The following TLK1 variants were observed in gnomAD, a reference collection of about 807,000 sequenced individuals.
TLK1 encodes tousled like kinase 1.
In TLK1, 24 loss-of-function variants were observed where a neutral mutation model predicts 105.3. The ratio of observed to expected loss-of-function variants is 0.23; its 90% CI spans 0.17 to 0.32. The LOEUF (loss-of-function observed/expected upper bound fraction) is 0.32, where lower values mean the gene tolerates loss of function less well. Among genes scored for constraint, TLK1 ranks in the 10% least tolerant of loss-of-function variants. TLK1 has a pLI of 1.00. For missense variants in TLK1, 558 were observed against 910.5 expected (o/e 0.61, Z 4.98); for synonymous variants, 321 against 310.4 (o/e 1.03, Z -0.36).
chr2:171,149,956 G>C (rs543948187), intron 1 of TLK1, among the ~76,000 whole-genome samples: 19 of 151,816 alleles, frequency 1.3e-4, no homozygotes, highest in Admixed American at 9.9e-4. Flanking sequence ...ACGAACGAAC[G>C]AAAGACTGTA....
intron 2 of TLK1, among the ~76,000 whole-genome samples, chr2:171,086,267 GA>G (rs1688968293): frequency 6.6e-6 from 1 of 152,034 alleles, no homozygotes; most frequent in East Asian, 1.9e-4. Context: ...GGAAAAAAAG[GA>G]TTTAAAAAAG....
Position 171,148,338 on chromosome 2 carries a change from T to C in TLK1, c.139+11952A>G, listed in dbSNP as rs192511457. Reference sequence around the variant, plus strand: ...GTGTGTATTACTATTAGTGGGAACATAGGCAGTGTGGTATAGGGATTAGAA... The same window carrying C: ...GTGTGTATTACTATTAGTGGGAACACAGGCAGTGTGGTATAGGGATTAGAA... On this transcript the variant is annotated intron_variant, in intron 1 of 20. Transcript: ENST00000431350. 3.9e-3 allele frequency among the ~76,000 whole-genome samples: 597 copies of C among 152,250 alleles called. 4 individuals carry two copies. Among genetic ancestry groups the C allele is most frequent in the Non-Finnish European group, 6.6e-3 (447 of 68,018 alleles).
chr2:171,006,544 C>T lies in TLK1; in HGVS notation c.1698G>A (p.Met566Ile). ...MSEKEARSIVMQIVNALRYLN... is the reference protein window; with the variant it reads ...MSEKEARSIVIQIVNALRYLN... Reference sequence around the variant, plus strand: ...GATATCTTAGTGCATTTACAATCTGCATTACAATAGACCGAGCTTCTTTCT... The same window carrying T: ...GATATCTTAGTGCATTTACAATCTGTATTACAATAGACCGAGCTTCTTTCT... The change falls in exon 17 of 21, where the codon ATG (methionine) becomes ATA (isoleucine). Residue 566 changes from methionine to isoleucine, a missense_variant. Met to Ile is a conservative substitution (Grantham distance 10). Coordinates refer to ENST00000431350, the MANE Select transcript of TLK1 (RefSeq NM_012290.5). 6.2e-7 allele frequency: 1 copy of T among 1,612,988 alleles called. No homozygotes were observed. Among genetic ancestry groups the T allele is most frequent in the Non-Finnish European group, 8.5e-7 (1 of 1,179,584 alleles).
rs558230622 is a variant in TLK1 at position 171,003,263 on chromosome 2, G to C, written c.1904+2884C>G. On this transcript the variant is annotated intron_variant, in intron 18 of 20. Coordinates refer to ENST00000431350, the MANE Select transcript of TLK1 (RefSeq NM_012290.5). ...CACTCCAGCCTGGGCGACAGAGCAAGACTCCGTCTCAAAAAAAAAAAAAAA... is the reference window on the plus strand; with the variant it reads ...CACTCCAGCCTGGGCGACAGAGCAACACTCCGTCTCAAAAAAAAAAAAAAA... 7.2e-5 allele frequency among the ~76,000 whole-genome samples: 7 copies of C among 97,168 alleles called. No individual in the cohort carries two copies. The South Asian group carries it at 2.5e-3, about 35-fold the overall frequency. 63.7% of individuals were successfully genotyped at this position (97,168 alleles called of 152,430 possible). A position where few individuals can be genotyped will look rare whatever the true frequency, so the allele number is the denominator to read the frequency against.
At chr2:171,021,916 G>A (rs765021549) in intron 12 of TLK1, among the ~76,000 whole-genome samples, 5 of 151,962 alleles carry the variant, frequency 3.3e-5, no homozygotes, top group African/African-American at 4.8e-5. Flanking sequence ...TGACCAACAT[G>A]GTGAAACCCC....
intron 3 of TLK1, among the ~76,000 whole-genome samples, chr2:171,071,747 G>A (rs1488707219): frequency 6.6e-6 from 1 of 152,026 alleles, no homozygotes; most frequent in Non-Finnish European, 1.5e-5. Context: ...ATTTTGATTT[G>A]ATTTTTGTAT....
intron 18 of TLK1, among the ~76,000 whole-genome samples, chr2:171,002,118 G>A (rs938485420): frequency 2.6e-5 from 4 of 151,996 alleles, no homozygotes; most frequent in Admixed American, 1.3e-4. Flanking sequence ...CTTGGTTGGC[G>A]GGAGCTGCTT....
chr2:171,197,400 A>G (rs976015583), intron 1 of TLK1, among the ~76,000 whole-genome samples: 5 of 152,212 alleles, frequency 3.3e-5, no homozygotes, highest in Admixed American at 2.6e-4. Context: ...ACAGTACAGA[A>G]CTATAGGCAC....
chr2:171,156,591 T>C (rs1228033279), intron 1 of TLK1, among the ~76,000 whole-genome samples: 2 of 152,248 alleles, frequency 1.3e-5, no homozygotes, highest in Non-Finnish European at 2.9e-5. Context: ...AATATGTAAA[T>C]GTGCCATTGT....
At position 171,148,047 on chromosome 2, in the gene TLK1, C is replaced by T. The variant is rs192028286; in HGVS notation, c.139+12243G>A. 1.1e-3 allele frequency among the ~76,000 whole-genome samples: 166 copies of T among 152,166 alleles called. 1 individual carries two copies. In the South Asian group the frequency reaches 0.013, roughly 12 times the overall value. ...CTGGGATTTCAGGCGTGTGCCACCACGCCCGGCTAATTTTTTGTATTTTTA... is the reference window on the plus strand; with the variant it reads ...CTGGGATTTCAGGCGTGTGCCACCATGCCCGGCTAATTTTTTGTATTTTTA... On this transcript the variant is annotated intron_variant, in intron 1 of 20. Coordinates refer to ENST00000431350, the MANE Select transcript of TLK1 (RefSeq NM_012290.5).
intron 4 of TLK1, among the ~76,000 whole-genome samples, chr2:171,059,023 A>C (rs1463940675): frequency 6.6e-6 from 1 of 152,220 alleles, no homozygotes; most frequent in Non-Finnish European, 1.5e-5. Context: ...CTAAGATGAA[A>C]AACAGTATTC....
At chr2:171,069,554 C>T (rs1463710562) in intron 3 of TLK1, among the ~76,000 whole-genome samples, 1 of 152,178 alleles carries the variant, frequency 6.6e-6, no homozygotes, top group Non-Finnish European at 1.5e-5. Context: ...TGCTAAACAT[C>T]CTACATTGCA....
At chr2:171,122,908 G>A (rs1235440975) in intron 1 of TLK1, among the ~76,000 whole-genome samples, 8 of 151,666 alleles carry the variant, frequency 5.3e-5, no homozygotes, top group Non-Finnish European at 7.4e-5. Context: ...GTGTGGTGGC[G>A]GATGCCTGTA....
At chr2:171,095,298 A>C (rs1255601437) in intron 2 of TLK1, among the ~76,000 whole-genome samples, 2 of 152,054 alleles carry the variant, frequency 1.3e-5, no homozygotes, top group African/African-American at 4.8e-5. Context: ...GAAATAGAGA[A>C]TAGAAAAACA....
chr2:170,995,091 C>A (rs1683990030), intron 20 of TLK1, among the ~76,000 whole-genome samples: 1 of 151,904 alleles, frequency 6.6e-6, no homozygotes, highest in Non-Finnish European at 1.5e-5. Flanking sequence ...CAATCTGATC[C>A]CTTAGAGGAC....
intron 1 of TLK1, among the ~76,000 whole-genome samples, chr2:171,124,382 T>C (rs1690784580): frequency 6.6e-6 from 1 of 152,238 alleles, no homozygotes; most frequent in South Asian, 2.1e-4. Context: ...CCAAAGCTAA[T>C]TAGTATTTAA....
chr2:171,117,884 A>G, intron 1 of TLK1, 27 bp from the exon 2 acceptor site: 40 of 1,382,082 alleles, frequency 2.9e-5, no homozygotes, highest in East Asian at 4.6e-5. Flanking sequence ...ATATATATGT[A>G]CACATATATA....
chr2:171,011,496 C>A, intron 13 of TLK1, 42 bp from the exon 14 acceptor site: 1 of 1,548,862 alleles, frequency 6.5e-7, no homozygotes, highest in Non-Finnish European at 8.8e-7. Flanking sequence ...AAAACACACA[C>A]ATAAAAATTC....
At chr2:171,223,050 A>G (rs752298956) in intron 1 of TLK1, among the ~76,000 whole-genome samples, 17 of 152,238 alleles carry the variant, frequency 1.1e-4, no homozygotes, top group African/African-American at 3.4e-4. Flanking sequence ...CCTGACCTCA[A>G]ATGATCTGCA....
Sources: gnomAD v4.1 joint callset for allele counts (sites outside exome capture counted in the v4.1 genomes callset) on GRCh38, gnomAD v4.1.1 for gene constraint, MANE v1.5 for transcripts, NCBI Gene and HGNC (gene_info 2026-07-23, HGNC 2026-07-21) for gene names.